TCF12: variants seen among roughly 807,000 people sequenced by gnomAD.
TCF12 encodes DNA-binding protein HTF4.
TCF12 carries 45 observed loss-of-function variants against 86.0 expected under a neutral mutation model. The ratio of observed to expected loss-of-function variants is 0.52; its 90% CI spans 0.41 to 0.67. The LOEUF (loss-of-function observed/expected upper bound fraction) is 0.67, where lower values mean the gene tolerates loss of function less well. TCF12 is among the 30% of genes least tolerant of loss of function. TCF12 has a pLI of 0.00. For synonymous variants in TCF12, 330 were observed against 299.6 expected, an observed-to-expected ratio of 1.10 and a Z score of -1.05; for missense variants, 881 against 859.9, an observed-to-expected ratio of 1.02 and a Z score of -0.31.
chr15:57,093,730 T>A (rs1018538142), intron 5 of TCF12, among the ~76,000 whole-genome samples: 33 of 152,178 alleles, frequency 2.2e-4, no homozygotes, highest in African/African-American at 7.7e-4. Flanking sequence ...TTTCAGATAA[T>A]TATTAGAATA....
chr15:57,251,155 C>A, intron 13 of TCF12, 195 bp from the exon 14 acceptor site: 1 of 448,250 alleles, frequency 2.2e-6, no homozygotes, highest in Non-Finnish European at 4.0e-6. Context: ...TTTCTCAGCA[C>A]CCCATTTTTT....
chr15:57,088,284 T>C (rs182449860), intron 4 of TCF12, among the ~76,000 whole-genome samples: 131 of 152,312 alleles, frequency 8.6e-4, no homozygotes, highest in Non-Finnish European at 1.4e-3. Context: ...CCGTGAGTGC[T>C]CTGGTTTATG....
At chr15:57,237,860 A>T (rs1479520458) in intron 12 of TCF12, among the ~76,000 whole-genome samples, 1 of 152,182 alleles carries the variant, frequency 6.6e-6, no homozygotes, top group Non-Finnish European at 1.5e-5. Flanking sequence ...CTCAGAGATA[A>T]AGCTTAGTGA....
At chr15:57,284,374 AT>A (rs1407692986) in intron 20 of TCF12, among the ~76,000 whole-genome samples, 43 of 151,888 alleles carry the variant, frequency 2.8e-4, no homozygotes, top group African/African-American at 1.0e-3. Context: ...CGCCCAGCTA[AT>A]TTTTTTGTAT....
At chr15:57,078,452 T>C (rs1401865052) in intron 4 of TCF12, among the ~76,000 whole-genome samples, 1 of 152,200 alleles carries the variant, frequency 6.6e-6, no homozygotes, top group Non-Finnish European at 1.5e-5. Flanking sequence ...AGTTTATTAA[T>C]ATATTTTCAG....
intron 12 of TCF12, among the ~76,000 whole-genome samples, chr15:57,240,443 C>T (rs1313097311): frequency 6.6e-6 from 1 of 152,182 alleles, no homozygotes; most frequent in East Asian, 1.9e-4. Flanking sequence ...CTCACTCATC[C>T]ATCCACCATC....
In TCF12 at chr15:57,103,441, G is replaced by T. The variant is rs551231795; in HGVS notation, c.325+11550G>T. Among the ~76,000 whole-genome samples, 11 of 152,274 alleles carry T rather than the reference G, an allele frequency of 7.2e-5. No individual in the cohort carries two copies. The South Asian group carries it at 8.3e-4, about 11-fold the overall frequency. ...ACATTTTTTGAAACATTAGCCAGAT[G>T]CAGTGGCACCTGCTGTAGTCCCAGC... On this transcript the variant is annotated intron_variant, in intron 5 of 20. Transcript: ENST00000333725.
intron 3 of TCF12, among the ~76,000 whole-genome samples, chr15:56,999,071 G>A (rs555523520): frequency 1.3e-4 from 20 of 152,072 alleles, no homozygotes; most frequent in African/African-American, 4.1e-4. Flanking sequence ...GGTGGCGGGC[G>A]CCTGTAGTCC....
At chr15:57,205,027 G>T (rs1294903405) in intron 8 of TCF12, among the ~76,000 whole-genome samples, 1 of 152,170 alleles carries the variant, frequency 6.6e-6, no homozygotes, top group African/African-American at 2.4e-5. Context: ...CAATTATCCG[G>T]CCCGGCCAGG....
Position 56,974,788 on chromosome 15 carries a change from A to AT in TCF12, c.148+53699dup, listed in dbSNP as rs1207958364. On this transcript the variant is annotated intron_variant, in intron 3 of 20. Coordinates refer to ENST00000333725, the MANE Select transcript of TCF12 (RefSeq NM_207037.2). ...TAAATTGTTTGACAACTAATTTCGT[A>AT]TTTTTTTTTCTCTACCAACCTTTTA... 5.3e-5 allele frequency among the ~76,000 whole-genome samples: 8 copies of AT among 151,364 alleles called. No homozygotes were observed. In the South Asian group the frequency reaches 6.3e-4, roughly 12 times the overall value.
At chr15:57,160,118 C>T (rs2054391734) in intron 5 of TCF12, among the ~76,000 whole-genome samples, 1 of 152,176 alleles carries the variant, frequency 6.6e-6, no homozygotes, top group South Asian at 2.1e-4. Flanking sequence ...AACTGAACAC[C>T]ATTCTCCAAG....
chr15:57,007,996 T>C (rs1284277676), intron 3 of TCF12, among the ~76,000 whole-genome samples: 1 of 151,238 alleles, frequency 6.6e-6, no homozygotes, highest in Admixed American at 6.6e-5. Flanking sequence ...TCTCTCTTTC[T>C]CTCACTGGAG....
chr15:57,198,457 G>A (rs2057378067), intron 8 of TCF12, among the ~76,000 whole-genome samples: 1 of 152,156 alleles, frequency 6.6e-6, no homozygotes, highest in Non-Finnish European at 1.5e-5. Context: ...AAAGGGCTTT[G>A]ATGAAGAAGG....
At chr15:57,275,327 G>GGGGGGGGGTGTGTGTGTGTGTGTGTGTGT (rs2061328433) in intron 19 of TCF12, among the ~76,000 whole-genome samples, 4 of 64,078 alleles carry the variant, frequency 6.2e-5, no homozygotes, top group African/African-American at 2.9e-4. Context: ...GTAAGGTAGG[G>GGGGGGGGGTGTGTGTGTGTGTGTGTGTGT]GTGTGTGTGT....
intron 3 of TCF12, among the ~76,000 whole-genome samples, chr15:56,928,034 C>T (rs1182267130): frequency 1.3e-5 from 2 of 151,938 alleles, no homozygotes; most frequent in East Asian, 1.9e-4. Context: ...GTGAGAGAGC[C>T]CTTGAATTCC....
intron 6 of TCF12, among the ~76,000 whole-genome samples, chr15:57,183,309 T>C (rs573800119): frequency 6.6e-6 from 1 of 152,348 alleles, no homozygotes; most frequent in South Asian, 2.1e-4. Flanking sequence ...TGTGTGCTGC[T>C]TATGACTTTA....
rs145885400 is a variant in TCF12, at chr15:56,975,543, C to T, written c.148+54445C>T. Among the ~76,000 whole-genome samples, 676 of 152,088 alleles carry T rather than the reference C, an allele frequency of 4.4e-3. 8 individuals are homozygous for T. Among genetic ancestry groups the T allele is most frequent in the Admixed American group, 0.021 (322 of 15,286 alleles). The stretch of plus-strand genomic sequence containing the variant: ...TCATTATTCTAAAAAAATGAATTTA[C>T]CTAATAAAGCCTGCCTAGCTGTATT... On this transcript the variant is annotated intron_variant, in intron 3 of 20. Coordinates refer to ENST00000333725, the MANE Select transcript of TCF12 (RefSeq NM_207037.2).
chr15:57,205,386 T>TTA (rs1351364103), intron 8 of TCF12, among the ~76,000 whole-genome samples: 1 of 152,204 alleles, frequency 6.6e-6, no homozygotes, highest in Non-Finnish European at 1.5e-5. Context: ...TAAATAGTAT[T>TTA]TACATAAAGT....
intron 13 of TCF12, among the ~76,000 whole-genome samples, chr15:57,244,175 A>T (rs2059753689): frequency 6.6e-6 from 1 of 151,792 alleles, no homozygotes; most frequent in Admixed American, 6.6e-5. Context: ...CGCCATACCT[A>T]CCCCCCAAAA....
Sources: gnomAD v4.1 joint callset for allele counts (sites outside exome capture counted in the v4.1 genomes callset) on GRCh38, gnomAD v4.1.1 for gene constraint, MANE v1.5 for transcripts, NCBI Gene and HGNC (gene_info 2026-07-23, HGNC 2026-07-21) for gene names.